INO80D: variants seen among roughly 807,000 people sequenced by gnomAD.
INO80D encodes INO80 complex subunit D.
A neutral mutation model predicts 87.6 loss-of-function variants in INO80D; 21 were observed. The observed-to-expected ratio is 0.24, with a 90% confidence interval of 0.17 to 0.35. The LOEUF (loss-of-function observed/expected upper bound fraction) is 0.35, where lower values mean the gene tolerates loss of function less well. Ranked by LOEUF, INO80D falls within the 10% of genes least tolerant of loss-of-function variation. The pLI, the probability that INO80D is intolerant of heterozygous loss-of-function variation, is 1.00. For synonymous variants in INO80D, 440 were observed against 491.0 expected, an observed-to-expected ratio of 0.90 and a Z score of 1.37; for missense variants, 982 against 1,280.7, an observed-to-expected ratio of 0.77 and a Z score of 3.56.
chr2:206,067,963 C>T (rs144944205), intron 1 of INO80D, among the ~76,000 whole-genome samples: 14 of 152,266 alleles, frequency 9.2e-5, no homozygotes, highest in African/African-American at 2.9e-4. Flanking sequence ...TGCAACTCAA[C>T]TGAGCATTTT....
intron 4 of INO80D, among the ~76,000 whole-genome samples, chr2:206,050,490 T>A (rs1463637094): frequency 1.6e-4 from 8 of 48,720 alleles, no homozygotes; most frequent in South Asian, 1.4e-3. Context: ...GGACTCCGTC[T>A]CAAAAGAAAA....
intron 6 of INO80D, among the ~76,000 whole-genome samples, chr2:206,021,351 T>C (rs757840475): frequency 3.9e-5 from 6 of 152,202 alleles, no homozygotes; most frequent in Non-Finnish European, 8.8e-5. Context: ...TATATGTCCA[T>C]GGTGTTGCCT....
Position 206,056,921 on chromosome 2 carries a change from C to T in INO80D, c.241G>A (p.Val81Ile), listed in dbSNP as rs776420471. 15 of 1,599,782 alleles carry T rather than the reference C, an allele frequency of 9.4e-6. No homozygotes were observed. The highest frequency in any genetic ancestry group is 1.3e-5 in the Non-Finnish European group (15 of 1,169,448). Reference protein sequence around the residue: ...DRRYCNSHLQVLGFIPKKERK... With the variant: ...DRRYCNSHLQILGFIPKKERK... ...TCTTTTTTCGGGATAAAGCCAAGTACCTGCAAGTGGCTGTTGCAGTACCTT... is the reference window on the plus strand; with the variant it reads ...TCTTTTTTCGGGATAAAGCCAAGTATCTGCAAGTGGCTGTTGCAGTACCTT... Residue 81 changes from valine to isoleucine, a missense_variant, in exon 4 of 11, where the codon GTA (valine) becomes ATA (isoleucine). Transcript: ENST00000403263.
chr2:206,064,184 C>T (rs576403848), intron 1 of INO80D, among the ~76,000 whole-genome samples: 42 of 152,240 alleles, frequency 2.8e-4, no homozygotes, highest in African/African-American at 9.4e-4. Context: ...GTAAAATAAT[C>T]GTGGCTTATG....
At chr2:206,047,039 A>G (rs1288100968) in intron 4 of INO80D, among the ~76,000 whole-genome samples, 1 of 152,190 alleles carries the variant, frequency 6.6e-6, no homozygotes, top group Non-Finnish European at 1.5e-5. Context: ...TCGGCCTCCC[A>G]AAGTGTTGGG....
chr2:206,068,246 G>A (rs1373575115), intron 1 of INO80D, among the ~76,000 whole-genome samples: 2 of 152,058 alleles, frequency 1.3e-5, no homozygotes, highest in Non-Finnish European at 2.9e-5. Flanking sequence ...CTACAAGTAT[G>A]TGCCACCATA....
rs1400666080 is a variant in INO80D at position 206,004,801 on chromosome 2, A to C, written c.2651T>G (p.Val884Gly). 6.2e-7 allele frequency: 1 copy of C among 1,613,920 alleles called. No individual in the cohort carries two copies. The highest frequency in any genetic ancestry group is 8.5e-7 in the Non-Finnish European group (1 of 1,179,856). ...TQLEVPLGGVVNPRTHWGNLP... is the reference protein window; with the variant it reads ...TQLEVPLGGVGNPRTHWGNLP... ...ATTGCCCCAGTGAGTTCTGGGGTTTACCACGCCTCCAAGTGGCACCTCAAG... is the reference window on the plus strand; with the variant it reads ...ATTGCCCCAGTGAGTTCTGGGGTTTCCCACGCCTCCAAGTGGCACCTCAAG... The change falls in exon 11 of 11, where the codon GTA (valine) becomes GGA (glycine). Residue 884 changes from valine (V) to glycine (G), a missense_variant. Coordinates refer to ENST00000403263, the MANE Select transcript of INO80D (RefSeq NM_017759.5). This position sits in a 1 kb window ranked among gnomAD's most constrained non-coding sequence, Gnocchi z 4.9.
chr2:206,034,746 C>G (rs13011028), intron 5 of INO80D, among the ~76,000 whole-genome samples: 28,441 of 151,906 alleles, frequency 0.19, 3,258 homozygotes, highest in Non-Finnish European at 0.27. Context: ...CTAGCCAGAG[C>G]AATTAGATAA....
intron 5 of INO80D, among the ~76,000 whole-genome samples, chr2:206,039,890 C>A (rs1688997768): frequency 6.7e-6 from 1 of 149,696 alleles, no homozygotes. Flanking sequence ...ATGCCAAAAA[C>A]TTAGATAAAA....
chr2:206,014,354 T>C (rs1688262866), intron 8 of INO80D, among the ~76,000 whole-genome samples: 1 of 152,228 alleles, frequency 6.6e-6, no homozygotes. Context: ...TTTGGTTCTG[T>C]GTCCCCACCC....
At chr2:206,059,784 T>C (rs974650118) in intron 3 of INO80D, among the ~76,000 whole-genome samples, 1 of 152,158 alleles carries the variant, frequency 6.6e-6, no homozygotes, top group Non-Finnish European at 1.5e-5. Flanking sequence ...CCTAGCAGGT[T>C]TGAGCTAGGT....
intron 9 of INO80D, chr2:206,008,059 G>A: frequency 6.6e-6 from 1 of 152,642 alleles, no homozygotes; most frequent in Non-Finnish European, 1.5e-5. Context: ...TCGGCTCACT[G>A]CAACCTCCAC....
At chr2:206,049,501 A>C (rs1307885435) in intron 4 of INO80D, among the ~76,000 whole-genome samples, 2 of 152,148 alleles carry the variant, frequency 1.3e-5, no homozygotes, top group African/African-American at 4.8e-5. Flanking sequence ...GACACCTCTG[A>C]GGTGTCTTGA....
chr2:206,073,901 G>A (rs1011052501), intron 1 of INO80D, among the ~76,000 whole-genome samples: 1 of 151,850 alleles, frequency 6.6e-6, no homozygotes, highest in Admixed American at 6.6e-5. Context: ...GAAAAGGGGG[G>A]TGTCTCACTA....
chr2:206,033,648 A>C (rs1255970561), intron 5 of INO80D, among the ~76,000 whole-genome samples: 2 of 152,192 alleles, frequency 1.3e-5, no homozygotes, highest in Non-Finnish European at 2.9e-5. Flanking sequence ...AAAAAGCACA[A>C]ACTGACATTC....
chr2:206,016,340 G>T (rs1428343901), intron 8 of INO80D, among the ~76,000 whole-genome samples: 1 of 152,116 alleles, frequency 6.6e-6, no homozygotes, highest in African/African-American at 2.4e-5. Context: ...CTTTGTTTTG[G>T]CCAATTTCTC....
At position 206,056,296 on chromosome 2, in the gene INO80D, G is replaced by A; in HGVS notation, c.866C>T (p.Ala289Val). ...RTDRILMKAT[A>V]FSPHFSCISR... ...TATACATGAGAAGTGTGGAGAGAAG[G>A]CTGTGGCTTTCATGAGGATCCGGTC... The change falls in exon 4 of 11, where the codon GCC (alanine) becomes GTC (valine). Residue 289 changes from alanine to valine, a missense_variant. Transcript: ENST00000403263. 1.2e-6 allele frequency: 2 copies of A among 1,614,022 alleles called. No homozygotes were observed. The highest frequency in any genetic ancestry group is 1.7e-6 in the Non-Finnish European group (2 of 1,179,888).
At chr2:206,056,078 TCTGC>T in intron 4 of INO80D, 116 bp downstream of exon 4, 1 of 949,786 alleles carries the variant, frequency 1.1e-6, no homozygotes, top group South Asian at 1.7e-5. Context: ...ACTGCACCAC[TCTGC>T]CTCATTGTGA....
At chr2:206,067,535 C>T (rs1689852192) in intron 1 of INO80D, among the ~76,000 whole-genome samples, 1 of 152,090 alleles carries the variant, frequency 6.6e-6, no homozygotes, top group Non-Finnish European at 1.5e-5. Flanking sequence ...GATTACTATA[C>T]ATTATATGAA....
Sources: gnomAD v4.1 joint callset for allele counts (sites outside exome capture counted in the v4.1 genomes callset) on GRCh38, gnomAD v4.1.1 for gene constraint, Gnocchi (gnomAD v3.1) non-coding constraint, MANE v1.5 for transcripts, NCBI Gene and HGNC (gene_info 2026-07-23, HGNC 2026-07-21) for gene names.